Variants in NPIPB2 observed in about 807,000 individuals in gnomAD.
The protein encoded by NPIPB2 is nuclear pore complex interacting protein family member B2, also known as nuclear pore complex-interacting protein family member B2.
A neutral mutation model predicts 30.8 loss-of-function variants in NPIPB2; 27 were observed. The ratio of observed to expected loss-of-function variants is 0.88; its 90% confidence interval spans 0.65 to 1.21. The LOEUF is 1.21. Ranked by LOEUF, NPIPB2 falls within the 50% of genes most tolerant of loss-of-function variation. The pLI is 0.00. For synonymous variants in NPIPB2, 147 were observed against 162.0 expected (o/e 0.91, Z 0.70); for missense variants, 440 against 446.2 (o/e 0.99, Z 0.13).
chr16:11,937,646 T>C (rs747816601), exon 2 of NPIPB2: 1 of 1,599,118 alleles, frequency 6.3e-7, no homozygotes, highest in South Asian at 1.1e-5. Flanking sequence ...ACGATGATGA[T>C]GGTCAGCCAG....
At chr16:11,967,869 G>A (rs367581624) in intron 1 of NPIPB2, 3 of 1,604,858 alleles carry the variant, frequency 1.9e-6, no homozygotes, top group African/African-American at 2.7e-5. Context: ...GACTCGAGCA[G>A]TGCCACTTTA....
upstream of NPIPB2, among the ~76,000 whole-genome samples, chr16:11,946,029 A>T (rs2055004185): frequency 6.6e-6 from 1 of 151,588 alleles, no homozygotes; most frequent in African/African-American, 2.4e-5. Context: ...CTACAAAAAA[A>T]AAAAAAAGAA....
At chr16:11,954,456 T>C (rs1217460287) in intron 1 of NPIPB2, among the ~76,000 whole-genome samples, 6 of 140,938 alleles carry the variant, frequency 4.3e-5, no homozygotes, top group East Asian at 2.2e-4. Flanking sequence ...CCAGCCTGGG[T>C]GACAGAGTAA....
At chr16:11,957,548 C>A (rs2055122008) in intron 1 of NPIPB2, among the ~76,000 whole-genome samples, 1 of 152,116 alleles carries the variant, frequency 6.6e-6, no homozygotes, top group Admixed American at 6.6e-5. Flanking sequence ...CCCGCCTCAG[C>A]CTCCCAAAGT....
upstream of NPIPB2, among the ~76,000 whole-genome samples, chr16:11,943,503 A>C (rs2054966650): frequency 6.6e-6 from 1 of 151,780 alleles, no homozygotes; most frequent in Non-Finnish European, 1.5e-5. Context: ...GGAGTTCGAG[A>C]CCAGACTGAC....
At chr16:11,961,343 C>A (rs1487297615) in intron 1 of NPIPB2, among the ~76,000 whole-genome samples, 1 of 152,026 alleles carries the variant, frequency 6.6e-6, no homozygotes, top group African/African-American at 2.4e-5. Context: ...CCACCTGGAC[C>A]CCAGAGGAAT....
chr16:11,932,387 G>A (rs60570622), intron 4 of NPIPB2, among the ~76,000 whole-genome samples: 12 of 149,548 alleles, frequency 8.0e-5, no homozygotes, highest in African/African-American at 2.9e-4. Context: ...GGCTGGGTGC[G>A]GTGGCTCACA....
chr16:11,967,894 G>T, intron 1 of NPIPB2: 1 of 1,587,360 alleles, frequency 6.3e-7, no homozygotes, highest in Non-Finnish European at 8.6e-7. Flanking sequence ...TCTTTTGTCA[G>T]AATAGATGAT....
At chr16:11,947,059 T>TATATATAC (rs397815753) in intron 1 of NPIPB2, among the ~76,000 whole-genome samples, 1 of 133,194 alleles carries the variant, frequency 7.5e-6, no homozygotes, top group Non-Finnish European at 1.6e-5. Context: ...TATATATATA[T>TATATATAC]GGTATATATA....
chr16:11,944,848 C>G (rs2054988213), upstream of NPIPB2, among the ~76,000 whole-genome samples: 1 of 150,558 alleles, frequency 6.6e-6, no homozygotes, highest in Non-Finnish European at 1.5e-5. Flanking sequence ...CCTCTCTGTT[C>G]AAAATGGAGA....
intron 1 of NPIPB2, among the ~76,000 whole-genome samples, chr16:11,938,666 T>A (rs1185987916): frequency 3.3e-5 from 5 of 151,734 alleles, no homozygotes; most frequent in Non-Finnish European, 5.9e-5. Flanking sequence ...TTTACAAATT[T>A]GTGTTGAACT....
chr16:11,948,779 A>AAG (rs1289621299), intron 1 of NPIPB2, among the ~76,000 whole-genome samples: 1 of 149,732 alleles, frequency 6.7e-6, no homozygotes, highest in East Asian at 1.9e-4. Flanking sequence ...AAAAAAAAAA[A>AAG]AAAAAAAAAA....
At chr16:11,952,284 C>G (rs1393093360) in intron 1 of NPIPB2, among the ~76,000 whole-genome samples, 1 of 151,472 alleles carries the variant, frequency 6.6e-6, no homozygotes, top group Non-Finnish European at 1.5e-5. Flanking sequence ...GGAGGTGGAG[C>G]TTGAAGTGAG....
At chr16:11,971,060 T>G (rs185960642) in intron 1 of NPIPB2, among the ~76,000 whole-genome samples, 8 of 151,568 alleles carry the variant, frequency 5.3e-5, no homozygotes, top group Middle Eastern at 3.4e-3. Context: ...TTTCGCCATG[T>G]TGCCAAGGCT....
chr16:11,967,580 C>T (rs1246120890), intron 1 of NPIPB2: 1 of 1,612,512 alleles, frequency 6.2e-7, no homozygotes, highest in African/African-American at 1.3e-5. Context: ...GATCAGGTCT[C>T]CTGGGCATGG....
At chr16:11,936,905 G>A (rs1193517087) in intron 2 of NPIPB2, among the ~76,000 whole-genome samples, 1 of 151,354 alleles carries the variant, frequency 6.6e-6, no homozygotes, top group African/African-American at 2.4e-5. Context: ...TTGTCACCTC[G>A]TCCCTATGAC....
intron 1 of NPIPB2, among the ~76,000 whole-genome samples, chr16:11,967,378 T>C (rs568858733): frequency 6.6e-5 from 10 of 152,318 alleles, no homozygotes; most frequent in African/African-American, 1.4e-4. Flanking sequence ...CCGACTGCTC[T>C]GTAGGCTAAC....
At chr16:11,937,748 C>T (rs1173388475) in intron 1 of NPIPB2, 80 bp from the exon 2 acceptor site, 2 of 1,517,580 alleles carry the variant, frequency 1.3e-6, no homozygotes, top group Non-Finnish European at 1.8e-6. Context: ...TCCTTAGAAA[C>T]CGTCAACCTC....
chr16:11,967,683 T>C (rs753836462), intron 1 of NPIPB2: 2 of 1,614,206 alleles, frequency 1.2e-6, no homozygotes, highest in Non-Finnish European at 1.7e-6. Context: ...CTGTGAAGAC[T>C]GCATCAAGAG....
Sources: gnomAD v4.1 joint callset for allele counts (sites outside exome capture counted in the v4.1 genomes callset) on GRCh38, gnomAD v4.1.1 for gene constraint, MANE v1.5 for transcripts, NCBI Gene and HGNC (gene_info 2026-07-23, HGNC 2026-07-21) for gene names.